The following CAPN2 variants were observed in gnomAD, a reference collection of about 807,000 sequenced individuals.
The protein encoded by CAPN2 is calpain-2 catalytic subunit.
Under a neutral mutation model 102.3 loss-of-function variants are expected in CAPN2, and 92 were observed. The ratio of observed to expected loss-of-function variants is 0.90; its 90% CI spans 0.76 to 1.07. The LOEUF is 1.07. CAPN2 is among the 50% of genes least tolerant of loss of function. CAPN2 has a pLI of 0.00. For missense variants in CAPN2, 800 were observed against 909.4 expected, an observed-to-expected ratio of 0.88 and a Z score of 1.55; for synonymous variants, 340 against 355.4, an observed-to-expected ratio of 0.96 and a Z score of 0.49.
chr1:223,765,406 TG>T (rs1661286652), intron 15 of CAPN2, among the ~76,000 whole-genome samples: 1 of 152,166 alleles, frequency 6.6e-6, no homozygotes, highest in Admixed American at 6.5e-5. Context: ...GCAAGAAGAT[TG>T]TGTTTACCCT....
In CAPN2 at chr1:223,771,961, C is replaced by A. The variant is rs185993035; in HGVS notation, c.2020+36C>A. 342 of 1,451,494 alleles carry A rather than the reference C, an allele frequency of 2.4e-4. No individual in the cohort carries two copies. The African/African-American group carries it at 3.4e-3, about 14-fold the overall frequency. 89.9% of individuals were successfully genotyped at this position (1,451,494 alleles called of 1,614,324 possible). On this transcript the variant is annotated intron_variant, in intron 19 of 20. Transcript: ENST00000295006. ...ATTTGGGGAATGACTCATTTCAGTT[C>A]TCTTGGTATTAAAGTGGCCTGCCTT...
chr1:223,745,760 T>C (rs3738373), intron 4 of CAPN2, among the ~76,000 whole-genome samples: 6 of 152,104 alleles, frequency 3.9e-5, no homozygotes, highest in Non-Finnish European at 7.3e-5. Flanking sequence ...ATAAATGATG[T>C]CTATCACCAT....
At chr1:223,701,654 G>A (rs1055478118) in exon 1 of CAPN2, 1 of 151,686 alleles carries the variant, frequency 6.6e-6, no homozygotes, top group East Asian at 1.9e-4. Flanking sequence ...GCAAAGGAAC[G>A]AATTTCCAGG....
At chr1:223,717,921 T>A (rs550556157) in intron 2 of CAPN2, 90 bp downstream of exon 2, 1 of 970,146 alleles carries the variant, frequency 1.0e-6, no homozygotes, top group African/African-American at 1.6e-5. Flanking sequence ...TTCTCTCCCT[T>A]CCCAAGCAGC....
rs764027418 is a variant in CAPN2 at position 223,774,871 on chromosome 1, C to T, written c.*14C>T. ...TCAGTACTTTGAAGTTATAACTAAT[C>T]TGCCTGAAGACTTCTCATGATGGAA... On this transcript the variant is annotated 3_prime_UTR_variant, in exon 21 of 21. Coordinates refer to ENST00000295006, the MANE Select transcript of CAPN2 (RefSeq NM_001748.5). The T allele has an allele frequency of 6.2e-7, 1 of 1,611,000 alleles. No individual in the cohort carries two copies.
At chr1:223,714,766 A>G (rs572611089) in intron 1 of CAPN2, among the ~76,000 whole-genome samples, 1 of 152,184 alleles carries the variant, frequency 6.6e-6, no homozygotes, top group African/African-American at 2.4e-5. Flanking sequence ...TCGAATACCT[A>G]CTATATGCTG....
intron 1 of CAPN2, among the ~76,000 whole-genome samples, chr1:223,702,750 A>G (rs540908233): frequency 6.6e-6 from 1 of 152,250 alleles, no homozygotes; most frequent in Non-Finnish European, 1.5e-5. Context: ...GGCCCCTGTG[A>G]CTGGAAATTA....
chr1:223,736,665 G>A (rs749917141), intron 2 of CAPN2, among the ~76,000 whole-genome samples: 3 of 152,088 alleles, frequency 2.0e-5, no homozygotes, highest in Non-Finnish European at 4.4e-5. Context: ...CTTTTCACAC[G>A]AGAGCATTTA....
At chr1:223,751,487 G>A (rs1217916739) in intron 7 of CAPN2, among the ~76,000 whole-genome samples, 3 of 152,324 alleles carry the variant, frequency 2.0e-5, no homozygotes, top group African/African-American at 7.2e-5. Context: ...GAGGTGGGCA[G>A]TACAGAGGCC....
intron 15 of CAPN2, among the ~76,000 whole-genome samples, 200 bp from the exon 16 acceptor site, chr1:223,766,167 T>C (rs1661309166): frequency 6.6e-6 from 1 of 152,222 alleles, no homozygotes; most frequent in South Asian, 2.1e-4. Flanking sequence ...ACGGCAAATA[T>C]ACAGAGACAT....
chr1:223,737,709 GGGGGT>G (rs1558066444), intron 2 of CAPN2, among the ~76,000 whole-genome samples: 7 of 30,606 alleles, frequency 2.3e-4, no homozygotes, highest in Non-Finnish European at 4.0e-4. Flanking sequence ...AGACGGGGCG[GGGGGT>G]GGGGGGGAGA....
intron 15 of CAPN2, among the ~76,000 whole-genome samples, chr1:223,765,565 G>A (rs1043881957): frequency 3.9e-5 from 6 of 152,212 alleles, no homozygotes; most frequent in South Asian, 2.1e-4. Flanking sequence ...GATTCAGCCC[G>A]CTCCTTGCTG....
intron 1 of CAPN2, among the ~76,000 whole-genome samples, chr1:223,702,180 C>G (rs1244030160): frequency 1.3e-4 from 20 of 151,076 alleles, no homozygotes; most frequent in Non-Finnish European, 5.9e-5. Context: ...AATCCCAGCA[C>G]TTTGGGAGGC....
At chr1:223,748,996 G>C in intron 5 of CAPN2, 43 bp from the exon 6 acceptor site, 1 of 1,557,366 alleles carries the variant, frequency 6.4e-7, no homozygotes, top group Non-Finnish European at 8.9e-7. Flanking sequence ...CCGGGAGGAA[G>C]GGAGAGCGGG....
rs1191433394 is a variant in CAPN2, at chr1:223,754,070, C to T, written c.1135+1114C>T. 3.3e-5 allele frequency among the ~76,000 whole-genome samples: 5 copies of T among 152,242 alleles called. No individual in the cohort carries two copies. The highest frequency in any genetic ancestry group is 7.3e-5 in the Non-Finnish European group (5 of 68,046). On this transcript the variant is annotated intron_variant, in intron 9 of 20. Coordinates refer to ENST00000295006, the MANE Select transcript of CAPN2 (RefSeq NM_001748.5). This position sits in a 1 kb window ranked among gnomAD's most constrained non-coding sequence, Gnocchi z 4.7. ...AACTGAGGCTTGGAGAGGCTAGTGA[C>T]TTGCTGAAGGCCACAGAGCGTGCTG...
At chr1:223,766,139 T>C (rs979675826) in intron 15 of CAPN2, among the ~76,000 whole-genome samples, 1 of 152,244 alleles carries the variant, frequency 6.6e-6, no homozygotes, top group Non-Finnish European at 1.5e-5. Context: ...AAAGCACTTT[T>C]TAAAGCCCTG....
At chr1:223,744,258 C>T (rs1558069237) in intron 3 of CAPN2, 40 bp downstream of exon 3, 3 of 1,303,636 alleles carry the variant, frequency 2.3e-6, no homozygotes, top group Non-Finnish European at 3.3e-6. Flanking sequence ...TCAACAGGTC[C>T]AGGGGGCTAG....
Position 223,775,078 on chromosome 1 carries a change from C to A in CAPN2, c.*221C>A. The stretch of plus-strand genomic sequence containing the variant: ...ATCATTATACTAAATGCAAATGAGT[C>A]GCTTAACCCTTGACAAGGTCAAAGA... On this transcript the variant is annotated 3_prime_UTR_variant, in exon 21 of 21. Coordinates refer to ENST00000295006, the MANE Select transcript of CAPN2 (RefSeq NM_001748.5). 1.8e-6 allele frequency: 1 copy of A among 557,384 alleles called. No homozygotes were observed. 34.5% of individuals were successfully genotyped at this position (557,384 alleles called of 1,614,324 possible).
intron 1 of CAPN2, among the ~76,000 whole-genome samples, chr1:223,707,498 T>C (rs1394868041): frequency 9.9e-5 from 15 of 152,200 alleles, no homozygotes; most frequent in Admixed American, 7.8e-4. Flanking sequence ...GTCAGTGAGA[T>C]AGCATAGTGT....
Sources: allele counts gnomAD v4.1 joint callset (sites outside exome capture counted in the v4.1 genomes callset), GRCh38; gene constraint gnomAD v4.1.1; non-coding constraint Gnocchi (gnomAD v3.1); transcripts MANE v1.5; gene names NCBI Gene and HGNC (gene_info 2026-07-23, HGNC 2026-07-21).